The following LONRF3 variants were observed in gnomAD, a reference collection of about 807,000 sequenced individuals.
LONRF3 encodes LON peptidase N-terminal domain and ring finger 3.
A neutral mutation model predicts 51.7 loss-of-function variants in LONRF3; 19 were observed. That is an observed-to-expected ratio of 0.37 (90% CI 0.26 to 0.54). The LOEUF (loss-of-function observed/expected upper bound fraction) is 0.54. LONRF3 is among the 20% of genes least tolerant of loss of function. The probability of loss-of-function intolerance (pLI) is 0.86; values close to 1 mark genes in which losing one functional copy is unlikely to be tolerated. For missense variants in LONRF3, 521 were observed against 623.9 expected (o/e 0.84, Z 1.76); for synonymous variants, 265 against 257.8 (o/e 1.03, Z -0.27).
rs557988625 is a variant in LONRF3, at chrX:119,014,475, T to C, written c.2124+119T>C. 27 of 691,849 alleles carry C rather than the reference T, an allele frequency of 3.9e-5. No individual in the cohort carries two copies. In the Middle Eastern group the frequency reaches 9.3e-4, roughly 24 times the overall value. The allele number at this position is 691,849 out of a possible 1,213,427, so 57.0% of individuals were successfully genotyped here. A position where few individuals can be genotyped will look rare whatever the true frequency, so the allele number is the denominator to read the frequency against. The stretch of plus-strand genomic sequence containing the variant: ...CATCGAATGCAGAGAGGAAGATGGA[T>C]TTAATTTGGTGTTGTTTGGCTGCAC... On this transcript the variant is annotated intron_variant, in intron 10 of 10. Transcript: ENST00000371628.
rs955283092 is a variant in LONRF3 at position 118,990,574 on chromosome X, A to G, written c.1415+14A>G. The G allele has an allele frequency of 7.9e-6, 9 of 1,135,977 alleles. No individual in the cohort carries two copies. Among genetic ancestry groups the G allele is most frequent in the African/African-American group, 7.2e-5 (4 of 55,758 alleles). 93.6% of individuals were successfully genotyped at this position (1,135,977 alleles called of 1,213,427 possible). ...TCTATGTATGAGGTACGTCCTGTGTACTATCATTTACTTCCTGATGTTTCT... is the reference window on the plus strand; with the variant it reads ...TCTATGTATGAGGTACGTCCTGTGTGCTATCATTTACTTCCTGATGTTTCT... On this transcript the variant is annotated intron_variant, in intron 5 of 10. Coordinates refer to ENST00000371628, the MANE Select transcript of LONRF3 (RefSeq NM_001031855.3).
At chrX:119,006,472 G>C (rs1483807631) in intron 6 of LONRF3, among the ~76,000 whole-genome samples, 1 of 106,941 alleles carries the variant, frequency 9.4e-6, no homozygotes, top group Non-Finnish European at 1.9e-5. Flanking sequence ...GTGATCGCGG[G>C]TCACTGCAAC....
At chrX:119,012,851 T>C in intron 8 of LONRF3, 188 bp from the exon 9 acceptor site, 1 of 1,146,600 alleles carries the variant, frequency 8.7e-7, no homozygotes, top group Non-Finnish European at 1.2e-6. Context: ...GTTACACGAA[T>C]ACATTACGAA....
chrX:119,010,945 C>T (rs1925059766), intron 7 of LONRF3, among the ~76,000 whole-genome samples: 1 of 109,589 alleles, frequency 9.1e-6, no homozygotes, highest in Non-Finnish European at 1.9e-5. Context: ...GAAACCCCAT[C>T]TCTAATAAAA....
chrX:119,017,461 T>G, intron 10 of LONRF3, 74 bp from the exon 11 acceptor site: 72 of 1,050,225 alleles, frequency 6.9e-5, no homozygotes, highest in Middle Eastern at 3.5e-4. Context: ...GTCTTTACCT[T>G]GAGCATTTGG....
At chrX:118,983,027 C>A in intron 3 of LONRF3, 84 bp downstream of exon 3, 1 of 1,069,836 alleles carries the variant, frequency 9.3e-7, no homozygotes, top group South Asian at 2.1e-5. Flanking sequence ...AGGGTGCTGT[C>A]CTCCTTGGCA....
At chrX:118,988,429 T>A (rs1239256545) in intron 3 of LONRF3, among the ~76,000 whole-genome samples, 1 of 111,962 alleles carries the variant, frequency 8.9e-6, no homozygotes, top group Non-Finnish European at 1.9e-5. Context: ...GAGTGGCCAA[T>A]GCCTTGGGTT....
At chrX:119,006,374 C>A in intron 6 of LONRF3, 139 bp downstream of exon 6, 2 of 310,588 alleles carry the variant, frequency 6.4e-6, no homozygotes. Flanking sequence ...ATTACTCCCT[C>A]AAACCATCTA....
chrX:119,003,104 G>A (rs890745981), intron 5 of LONRF3, among the ~76,000 whole-genome samples: 1 of 111,678 alleles, frequency 9.0e-6, no homozygotes, highest in African/African-American at 3.3e-5. Context: ...TTTTAATACA[G>A]TCAAAATTAT....
At chrX:119,011,702 A>C in intron 7 of LONRF3, 113 bp from the exon 8 acceptor site, 1 of 782,564 alleles carries the variant, frequency 1.3e-6, no homozygotes, top group Non-Finnish European at 1.9e-6. Context: ...CTGTCAAAAA[A>C]CAAACTTGGT....
At chrX:118,986,528 T>C (rs1228584873) in intron 3 of LONRF3, among the ~76,000 whole-genome samples, 1 of 112,099 alleles carries the variant, frequency 8.9e-6, no homozygotes, top group Non-Finnish European at 1.9e-5. Flanking sequence ...CTCCTGACTT[T>C]ACCTCTCTGT....
At chrX:119,005,327 T>G (rs1242227417) in intron 5 of LONRF3, among the ~76,000 whole-genome samples, 1 of 111,988 alleles carries the variant, frequency 8.9e-6, no homozygotes, top group African/African-American at 3.3e-5. Context: ...TCCATTAATT[T>G]CTGAAGGTAC....
At chrX:118,988,383 C>G in intron 3 of LONRF3, among the ~76,000 whole-genome samples, 2 of 112,084 alleles carry the variant, frequency 1.8e-5, no homozygotes, top group Non-Finnish European at 3.8e-5. Context: ...GATTGGATTT[C>G]CACCCAAACT....
intron 5 of LONRF3, among the ~76,000 whole-genome samples, chrX:118,996,430 A>G (rs191912579): frequency 9.0e-6 from 1 of 111,501 alleles, no homozygotes; most frequent in Non-Finnish European, 1.9e-5. Context: ...GGACTCCTCT[A>G]GAAAGCTCCT....
chrX:118,993,460 C>T (rs1923578884), intron 5 of LONRF3, among the ~76,000 whole-genome samples: 1 of 111,244 alleles, frequency 9.0e-6, no homozygotes, highest in South Asian at 3.8e-4. Flanking sequence ...CAAATTAACC[C>T]AATCCAACAA....
At chrX:118,985,197 C>T (rs1283714482) in intron 3 of LONRF3, among the ~76,000 whole-genome samples, 2 of 112,172 alleles carry the variant, frequency 1.8e-5, no homozygotes, top group Admixed American at 9.4e-5. Flanking sequence ...TCTTTTCCTT[C>T]CCACCACCCT....
chrX:119,005,291 G>A (rs1924631336), intron 5 of LONRF3, among the ~76,000 whole-genome samples: 1 of 111,952 alleles, frequency 8.9e-6, no homozygotes, highest in Non-Finnish European at 1.9e-5. Context: ...CTCGCTGCAG[G>A]TGAGCCTTTT....
chrX:118,992,521 C>A (rs1923504980), intron 5 of LONRF3, among the ~76,000 whole-genome samples: 1 of 110,595 alleles, frequency 9.0e-6, no homozygotes, highest in African/African-American at 3.3e-5. Flanking sequence ...GCAAGACCTG[C>A]CCAAGGAGAG....
chrX:118,974,830 G>C lies in LONRF3; in HGVS notation c.50G>C (p.Ser17Thr). ...ATGCTGAGCTTGCCCGCTGAGGTCA[G>C]CAGCGACAACTTGGAGTCGGCGGAG... ...EQMLSLPAEV[S>T]SDNLESAERG... Residue 17 changes from serine (S) to threonine (T), a missense_variant, in exon 1 of 11, where the codon AGC becomes ACC. Around this residue, in one of 2 missense-constraint regions of LONRF3, gnomAD observed 376 missense variants for 376.7 expected, o/e 1.00. Coordinates refer to ENST00000371628, the MANE Select transcript of LONRF3 (RefSeq NM_001031855.3). 1 of 1,209,020 alleles carries C rather than the reference G, an allele frequency of 8.3e-7. No individual in the cohort carries two copies. Among genetic ancestry groups the C allele is most frequent in the South Asian group, 1.8e-5 (1 of 56,344 alleles).
Sources: gnomAD v4.1 joint callset for allele counts (sites outside exome capture counted in the v4.1 genomes callset) on GRCh38, gnomAD v4.1.1 for gene constraint, gnomAD v4.1.1 regional missense constraint, MANE v1.5 for transcripts, NCBI Gene and HGNC (gene_info 2026-07-23, HGNC 2026-07-21) for gene names.